Variants in NCOR1 observed in about 807,000 individuals in gnomAD.
The protein encoded by NCOR1 is protein phosphatase 1, regulatory subunit 109.
Under a neutral mutation model 288.1 loss-of-function variants are expected in NCOR1, and 63 were observed. The observed-to-expected ratio is 0.22, with a 90% confidence interval of 0.18 to 0.27. NCOR1 has a LOEUF of 0.27. Ranked by LOEUF, NCOR1 falls within the 10% of genes least tolerant of loss-of-function variation. The pLI is 1.00. For synonymous variants in NCOR1, 1,007 were observed against 1,065.9 expected (o/e 0.94, Z 1.08); for missense variants, 2,397 against 3,019.2 (o/e 0.79, Z 4.83).
Position 16,073,396 on chromosome 17 carries a change from T to C in NCOR1, c.3811+33A>G, listed in dbSNP as rs1385367461. 2.6e-6 allele frequency: 4 copies of C among 1,523,024 alleles called. No individual in the cohort carries two copies. In the African/African-American group the frequency reaches 5.6e-5, roughly 21 times the overall value. The allele number at this position is 1,523,024 out of a possible 1,614,324, so 94.3% of individuals were successfully genotyped here. The stretch of plus-strand genomic sequence containing the variant: ...CAAAATTACTATATAAAATAACATG[T>C]ATCAAAATAACATTCTGAAAACAAT... On this transcript the variant is annotated intron_variant, in intron 28 of 45. Transcript: ENST00000268712.
intron 4 of NCOR1, among the ~76,000 whole-genome samples, chr17:16,168,709 G>A (rs757101759): frequency 2.0e-5 from 3 of 151,812 alleles, no homozygotes; most frequent in Non-Finnish European, 4.4e-5. Flanking sequence ...AGTGGCTCAC[G>A]CCTATAATCC....
At chr17:16,207,797 T>G (rs1387521891) in intron 1 of NCOR1, among the ~76,000 whole-genome samples, 1 of 151,094 alleles carries the variant, frequency 6.6e-6, no homozygotes, top group Non-Finnish European at 1.5e-5. Context: ...ATATATTTGG[T>G]TTTGATATCA....
intron 19 of NCOR1, among the ~76,000 whole-genome samples, chr17:16,103,525 T>C (rs1245577449): frequency 6.6e-6 from 1 of 152,224 alleles, no homozygotes; most frequent in African/African-American, 2.4e-5. Flanking sequence ...CTGCAAGGCC[T>C]TGCCCAGTGG....
intron 9 of NCOR1, 77 bp from the exon 10 acceptor site, chr17:16,146,625 T>C: frequency 3.2e-6 from 4 of 1,269,382 alleles, no homozygotes; most frequent in Non-Finnish European, 3.2e-6. Flanking sequence ...TTAAAATAAA[T>C]GCTACTTCTT....
At chr17:16,070,776 TC>T (rs1422903203) in intron 30 of NCOR1, among the ~76,000 whole-genome samples, 2 of 152,184 alleles carry the variant, frequency 1.3e-5, no homozygotes, top group African/African-American at 4.8e-5. Context: ...ACACCTGTAA[TC>T]CCAGCGCTTT....
At chr17:16,084,227 AG>A (rs1275800929) in intron 23 of NCOR1, 1 of 152,734 alleles carries the variant, frequency 6.5e-6, no homozygotes, top group Non-Finnish European at 1.5e-5. Context: ...GTAACTTCTG[AG>A]GTGCCTTTTT....
At chr17:16,105,553 T>G (rs2068447809) in intron 19 of NCOR1, among the ~76,000 whole-genome samples, 1 of 152,130 alleles carries the variant, frequency 6.6e-6, no homozygotes, top group South Asian at 2.1e-4. Flanking sequence ...GAAAACCTAA[T>G]TTATTGATAT....
In NCOR1 at chr17:16,070,404, T is replaced by C; in HGVS notation, c.4274A>G (p.Glu1425Gly). 6.2e-7 allele frequency: 1 copy of C among 1,614,226 alleles called. No homozygotes were observed. Among genetic ancestry groups the C allele is most frequent in the East Asian group, 2.2e-5 (1 of 44,880 alleles). Residue 1425 changes from glutamate (E) to glycine (G), a missense_variant, in exon 31 of 46, where the codon GAG becomes GGG. Around this residue, in one of 11 missense-constraint regions of NCOR1, gnomAD observed 1,872 missense variants for 2,187.8 expected, o/e 0.86. Coordinates refer to ENST00000268712, the MANE Select transcript of NCOR1 (RefSeq NM_006311.4). ...RGMPPLEIVP[E>G]NIKVVERGKY... is the part of the protein sequence containing the mutation. ...TCCCCGTTCTACCACTTTTATGTTC[T>C]CTGGCACAATTTCCAGCGGAGGCAT...
chr17:16,185,079 G>C (rs906636861), intron 3 of NCOR1, among the ~76,000 whole-genome samples: 3 of 150,502 alleles, frequency 2.0e-5, no homozygotes, highest in African/African-American at 7.3e-5. Flanking sequence ...ACCAGGGGCA[G>C]GGGGTGGAAA....
At chr17:16,178,392 G>A (rs556175125) in intron 3 of NCOR1, among the ~76,000 whole-genome samples, 11 of 150,798 alleles carry the variant, frequency 7.3e-5, no homozygotes, top group East Asian at 5.9e-4. Context: ...CCAGCTACTC[G>A]GGAGGCTAAG....
At chr17:16,127,615 A>ATG (rs1384175798) in intron 14 of NCOR1, among the ~76,000 whole-genome samples, 7 of 142,730 alleles carry the variant, frequency 4.9e-5, no homozygotes, top group African/African-American at 1.1e-4. Flanking sequence ...ACATATGTGT[A>ATG]TGTGTATATA....
intron 14 of NCOR1, among the ~76,000 whole-genome samples, chr17:16,135,345 T>C (rs911739800): frequency 6.6e-6 from 1 of 151,838 alleles, no homozygotes; most frequent in Non-Finnish European, 1.5e-5. Context: ...CTGTCAACAC[T>C]CAATTTATTC....
chr17:16,154,857 G>A (rs1280683659), intron 6 of NCOR1, among the ~76,000 whole-genome samples: 4 of 152,136 alleles, frequency 2.6e-5, no homozygotes, highest in Admixed American at 2.0e-4. Flanking sequence ...GGAAAGAAGC[G>A]TAAGACCAGA....
chr17:16,140,191 C>T (rs2076955854), intron 11 of NCOR1, among the ~76,000 whole-genome samples: 1 of 150,150 alleles, frequency 6.7e-6, no homozygotes, highest in South Asian at 2.1e-4. Context: ...CAGATGTTTC[C>T]TCATGGAATC....
At chr17:16,080,129 A>C in intron 25 of NCOR1, 65 bp from the exon 26 acceptor site, 1 of 1,366,038 alleles carries the variant, frequency 7.3e-7, no homozygotes, top group Non-Finnish European at 1.0e-6. Context: ...ATAAAAAAAC[A>C]GCCCCTACTT....
chr17:16,170,686 T>C (rs1568459957), intron 4 of NCOR1, among the ~76,000 whole-genome samples: 1 of 151,646 alleles, frequency 6.6e-6, no homozygotes, highest in Non-Finnish European at 1.5e-5. Context: ...AATACAAAAA[T>C]TAGCTGGGCA....
At chr17:16,066,055 A>G (rs947584903) in intron 32 of NCOR1, among the ~76,000 whole-genome samples, 1 of 152,216 alleles carries the variant, frequency 6.6e-6, no homozygotes, top group Non-Finnish European at 1.5e-5. Flanking sequence ...ACCAACAGAA[A>G]TGTATACGAA....
At chr17:16,092,572 T>C (rs2065348136) in intron 21 of NCOR1, among the ~76,000 whole-genome samples, 1 of 147,536 alleles carries the variant, frequency 6.8e-6, no homozygotes, top group East Asian at 2.0e-4. Context: ...TGTCTGATTC[T>C]AATTTATGGC....
intron 15 of NCOR1, among the ~76,000 whole-genome samples, chr17:16,124,018 T>C (rs1270635302): frequency 1.3e-5 from 2 of 152,226 alleles, no homozygotes; most frequent in African/African-American, 4.8e-5. Flanking sequence ...CAGAGTTCCA[T>C]GTGAGAAGAA....
Sources: gnomAD v4.1 joint callset for allele counts (sites outside exome capture counted in the v4.1 genomes callset) on GRCh38, gnomAD v4.1.1 for gene constraint, gnomAD v4.1.1 regional missense constraint, MANE v1.5 for transcripts, NCBI Gene and HGNC (gene_info 2026-07-23, HGNC 2026-07-21) for gene names.